FCF1: variants seen among roughly 807,000 people sequenced by gnomAD.
FCF1 encodes rRNA-processing protein FCF1 homolog.
A neutral mutation model predicts 32.5 loss-of-function variants in FCF1; 17 were observed. That is an observed-to-expected ratio of 0.52 (90% CI 0.36 to 0.78). The LOEUF (loss-of-function observed/expected upper bound fraction) is 0.78, where lower values mean the gene tolerates loss of function less well. FCF1 is among the 30% of genes least tolerant of loss of function. The pLI is 0.00. For synonymous variants in FCF1, 84 were observed against 78.4 expected (o/e 1.07, Z -0.38); for missense variants, 201 against 241.1 (o/e 0.83, Z 1.10).
At chr14:74,721,565 G>T (rs2090504060) in intron 4 of FCF1, among the ~76,000 whole-genome samples, 1 of 152,052 alleles carries the variant, frequency 6.6e-6, no homozygotes, top group South Asian at 2.1e-4. Flanking sequence ...GCTGGGCGTG[G>T]TGGAGGGCGC....
chr14:74,714,793 A>T (rs2090392992), intron 2 of FCF1, 79 bp from the exon 3 acceptor site: 1 of 1,459,602 alleles, frequency 6.9e-7, no homozygotes, highest in Non-Finnish European at 9.1e-7. Flanking sequence ...AAAAAAAAAA[A>T]TGGAACTTTA....
chr14:74,715,240 AAG>A (rs1481109430), intron 3 of FCF1, among the ~76,000 whole-genome samples: 3 of 152,162 alleles, frequency 2.0e-5, no homozygotes, highest in South Asian at 2.1e-4. Flanking sequence ...CAGTTCATAA[AAG>A]AGAGACTGTA....
intron 7 of FCF1, 61 bp downstream of exon 7, chr14:74,734,231 G>A: frequency 1.1e-6 from 1 of 952,130 alleles, no homozygotes; most frequent in Non-Finnish European, 1.7e-6. Context: ...TTGAAAATGA[G>A]GATAAGTGAT....
At position 74,738,596 on chromosome 14, in the gene FCF1, A is replaced by G. The variant is rs2090727064; in HGVS notation, c.*3666A>G. ...TACAGCTGTTGACAAGATCCACTAA[A>G]ATAAAAATTGCAGATATCCTGTGAG... On this transcript the variant is annotated 3_prime_UTR_variant, in exon 8 of 8. Coordinates refer to ENST00000341162, the MANE Select transcript of FCF1 (RefSeq NM_015962.5). 2.0e-5 allele frequency: 3 copies of G among 152,182 alleles called. No individual in the cohort carries two copies. Among genetic ancestry groups the G allele is most frequent in the African/African-American group, 7.2e-5 (3 of 41,436 alleles). The allele number at this position is 152,182 out of a possible 1,614,324, so 9.4% of individuals were successfully genotyped here.
chr14:74,715,638 CTG>C, intron 3 of FCF1: 1 of 417,812 alleles, frequency 2.4e-6, no homozygotes, highest in South Asian at 2.1e-5. Flanking sequence ...ATCACGATAA[CTG>C]TATTCTACCT....
At position 74,713,976 on chromosome 14, in the gene FCF1, A is replaced by G. The variant is rs188661007; in HGVS notation, c.71+424A>G. Among the ~76,000 whole-genome samples the G allele has an allele frequency of 2.1e-3, 326 of 152,344 alleles. 2 individuals are homozygous for G. The highest frequency in any genetic ancestry group is 7.3e-3 in the African/African-American group (302 of 41,574). On this transcript the variant is annotated intron_variant, in intron 2 of 7. Coordinates refer to ENST00000341162, the MANE Select transcript of FCF1 (RefSeq NM_015962.5). ...TGCCTGGTACTCAAATATTTTTGTC[A>G]GAGAAAATGGGAAAACTCCAAGATA...
intron 5 of FCF1, among the ~76,000 whole-genome samples, chr14:74,728,035 T>G (rs1255803743): frequency 1.3e-5 from 2 of 152,112 alleles, no homozygotes; most frequent in Non-Finnish European, 2.9e-5. Flanking sequence ...AGTCAGGTAG[T>G]GTGATGCCTC....
chr14:74,730,092 G>A (rs2140036878), intron 5 of FCF1, among the ~76,000 whole-genome samples: 1 of 151,964 alleles, frequency 6.6e-6, no homozygotes, highest in Non-Finnish European at 1.5e-5. Flanking sequence ...GATTTGGGGT[G>A]GAGAGTTCTG....
Position 74,713,182 on chromosome 14 carries a change from G to C in FCF1, c.-16G>C. ...GCCGTTGGTGATTACGGAAGAACCAGGAGTTTGGCGTGACCATGGTGAGAG... is the reference window on the plus strand; with the variant it reads ...GCCGTTGGTGATTACGGAAGAACCACGAGTTTGGCGTGACCATGGTGAGAG... On this transcript the variant is annotated 5_prime_UTR_variant, in exon 1 of 8. Coordinates refer to ENST00000341162, the MANE Select transcript of FCF1 (RefSeq NM_015962.5). 6.2e-7 allele frequency: 1 copy of C among 1,614,230 alleles called. No individual in the cohort carries two copies. The highest frequency in any genetic ancestry group is 8.5e-7 in the Non-Finnish European group (1 of 1,180,044).
chr14:74,722,571 A>T (rs942737855), intron 4 of FCF1, among the ~76,000 whole-genome samples: 2 of 151,990 alleles, frequency 1.3e-5, no homozygotes, highest in African/African-American at 2.4e-5. Flanking sequence ...AGAAGTTTTT[A>T]AAATTTTTAT....
chr14:74,734,273 T>C (rs1296005151), intron 7 of FCF1, 103 bp downstream of exon 7: 2 of 671,256 alleles, frequency 3.0e-6, no homozygotes, highest in Non-Finnish European at 2.5e-6. Flanking sequence ...GAAATTATTG[T>C]ATCAAATGTT....
chr14:74,715,910 A>C (rs202215056), intron 3 of FCF1, 41 bp from the exon 4 acceptor site: 1 of 1,611,208 alleles, frequency 6.2e-7, no homozygotes, highest in Non-Finnish European at 8.5e-7. Flanking sequence ...CTAGGGTATC[A>C]ATGTAAATTT....
At position 74,737,751 on chromosome 14, in the gene FCF1, GGT is replaced by G. The variant is rs1374720441; in HGVS notation, c.*2823_*2824del. The G allele has an allele frequency of 6.6e-6, 1 of 152,224 alleles. No individual in the cohort carries two copies. The highest frequency in any genetic ancestry group is 2.4e-5 in the African/African-American group (1 of 41,456). The allele number at this position is 152,224 out of a possible 1,614,324, so 9.4% of individuals were successfully genotyped here. On this transcript the variant is annotated 3_prime_UTR_variant, in exon 8 of 8. Coordinates refer to ENST00000341162, the MANE Select transcript of FCF1 (RefSeq NM_015962.5). ...TAATCCCAACACTTTGGGAGGCCAA[GGT>G]GGGCGGATCACCTGAGGTCAGGAGC... is the stretch of plus-strand genomic sequence containing the variant.
intron 4 of FCF1, among the ~76,000 whole-genome samples, chr14:74,719,187 A>G (rs2090464388): frequency 6.7e-6 from 1 of 149,674 alleles, no homozygotes; most frequent in South Asian, 2.1e-4. Context: ...GGTCCTAGCT[A>G]CAGATGCTCA....
intron 6 of FCF1, among the ~76,000 whole-genome samples, chr14:74,733,054 T>C (rs576633638): frequency 2.8e-4 from 43 of 152,242 alleles, no homozygotes; most frequent in African/African-American, 1.0e-3. Flanking sequence ...GGAGGAGACA[T>C]GGGTTTCACG....
intron 5 of FCF1, among the ~76,000 whole-genome samples, chr14:74,725,794 G>A (rs1438316165): frequency 1.3e-5 from 2 of 152,056 alleles, no homozygotes; most frequent in Admixed American, 6.6e-5. Flanking sequence ...AATTAGCCAA[G>A]CGTGGTAGTG....
chr14:74,733,382 C>T, intron 6 of FCF1, among the ~76,000 whole-genome samples: 1 of 150,176 alleles, frequency 6.7e-6, no homozygotes, highest in Non-Finnish European at 1.5e-5. Context: ...GCTCTGCTGA[C>T]CACAGAGCCA....
Position 74,721,974 on chromosome 14 carries a change from C to CA in FCF1, c.293-1295dup, listed in dbSNP as rs202157629. 6.1e-3 allele frequency among the ~76,000 whole-genome samples: 918 copies of CA among 151,002 alleles called. 4 individuals carry two copies. Among genetic ancestry groups the CA allele is most frequent in the Middle Eastern group, 0.017 (5 of 286 alleles). ...TTAATAGGTATTGCAAATTTGCCCT[C>CA]AAATAGTTGTACCAATGTATATACC... On this transcript the variant is annotated intron_variant, in intron 4 of 7. Coordinates refer to ENST00000341162, the MANE Select transcript of FCF1 (RefSeq NM_015962.5).
At chr14:74,729,765 C>G (rs1364985666) in intron 5 of FCF1, among the ~76,000 whole-genome samples, 2 of 152,078 alleles carry the variant, frequency 1.3e-5, no homozygotes, top group South Asian at 4.2e-4. Context: ...CCTCTACACA[C>G]TGCTTTGAAT....
Sources: gnomAD v4.1 joint callset for allele counts (sites outside exome capture counted in the v4.1 genomes callset) on GRCh38, gnomAD v4.1.1 for gene constraint, MANE v1.5 for transcripts, NCBI Gene and HGNC (gene_info 2026-07-23, HGNC 2026-07-21) for gene names.